BIN2: variants seen among roughly 807,000 people sequenced by gnomAD.
BIN2 encodes the protein bridging integrator 2.
Under a neutral mutation model 67.9 loss-of-function variants are expected in BIN2, and 43 were observed. The ratio of observed to expected loss-of-function variants is 0.63; its 90% CI spans 0.50 to 0.82. BIN2 has a LOEUF of 0.82. Ranked by LOEUF, BIN2 falls within the 40% of genes least tolerant of loss-of-function variation. BIN2 has a pLI of 0.00. For synonymous variants in BIN2, 244 were observed against 246.8 expected (o/e 0.99, Z 0.11); for missense variants, 581 against 671.6 (o/e 0.87, Z 1.49).
Position 51,291,749 on chromosome 12 carries a change from C to T in BIN2, c.1357G>A (p.Gly453Arg), listed in dbSNP as rs752760966. ...GTCCTAGGACTTGCAGTCCCAGTCCCCAAGGAGGCCCTAGGGCTGGTGGGT... is the reference window on the plus strand; with the variant it reads ...GTCCTAGGACTTGCAGTCCCAGTCCTCAAGGAGGCCCTAGGGCTGGTGGGT... The part of the protein sequence containing the change: ...GSPTSPRASL[G>R]TGTASPRTSL... Residue 453 changes from glycine to arginine, a missense_variant, in exon 10 of 13, where the codon GGG becomes AGG. Physicochemically the swap from Gly to Arg is moderately radical, Grantham distance 125. Transcript: ENST00000615107. 9 of 1,613,482 alleles carry T rather than the reference C, an allele frequency of 5.6e-6. No homozygotes were observed. The South Asian group carries it at 6.6e-5, about 12-fold the overall frequency.
At chr12:51,323,684 A>C (rs1000130252) in intron 1 of BIN2, among the ~76,000 whole-genome samples, 5 of 152,248 alleles carry the variant, frequency 3.3e-5, no homozygotes, top group Non-Finnish European at 7.3e-5. Flanking sequence ...CTAGCACAAA[A>C]TTTGATACAA....
intron 1 of BIN2, among the ~76,000 whole-genome samples, chr12:51,317,883 G>A (rs896504321): frequency 2.0e-5 from 3 of 152,096 alleles, no homozygotes; most frequent in African/African-American, 7.2e-5. Flanking sequence ...AGCTACTCAG[G>A]AGGCTGAGGC....
intron 1 of BIN2, among the ~76,000 whole-genome samples, chr12:51,319,102 C>T (rs929855666): frequency 6.6e-6 from 1 of 152,174 alleles, no homozygotes; most frequent in African/African-American, 2.4e-5. Flanking sequence ...CTTTCTGCTA[C>T]CCCTCCCTTC....
At chr12:51,286,850 G>A (rs1341492087) in intron 11 of BIN2, among the ~76,000 whole-genome samples, 1 of 152,008 alleles carries the variant, frequency 6.6e-6, no homozygotes, top group Non-Finnish European at 1.5e-5. Context: ...TTGAGATGGG[G>A]TCTCACTCTG....
At chr12:51,283,987 C>A (rs1945178163) in intron 12 of BIN2, among the ~76,000 whole-genome samples, 1 of 94,460 alleles carries the variant, frequency 1.1e-5, no homozygotes, top group Non-Finnish European at 2.2e-5. Flanking sequence ...GAGTGAAACT[C>A]CGTCTCAAAA....
rs766209007 is a variant in BIN2, at chr12:51,295,879, C to G, written c.679-1G>C. The G allele has an allele frequency of 3.1e-6, 5 of 1,612,146 alleles. No homozygotes were observed. The stretch of plus-strand genomic sequence containing the variant: ...TCACCTCGTAGAGATTGTGGTTCAG[C>G]TAGAGCCAATAAGAAAGAAGGGGAT... On this transcript the variant is annotated splice_acceptor_variant, in intron 8 of 12. Coordinates refer to ENST00000615107, the MANE Select transcript of BIN2 (RefSeq NM_016293.4). LOFTEE classifies it high-confidence loss of function.
At chr12:51,304,975 G>A (rs1434109392) in intron 2 of BIN2, among the ~76,000 whole-genome samples, 2 of 150,256 alleles carry the variant, frequency 1.3e-5, no homozygotes, top group Non-Finnish European at 3.0e-5. Flanking sequence ...CTGAGATCAC[G>A]CCACCGTACT....
At chr12:51,319,699 C>A (rs1449175856) in intron 1 of BIN2, among the ~76,000 whole-genome samples, 1 of 152,062 alleles carries the variant, frequency 6.6e-6, no homozygotes, top group Non-Finnish European at 1.5e-5. Flanking sequence ...GAAAAATATT[C>A]CAGTGTTCAT....
At chr12:51,323,843 C>T (rs973685516) in intron 1 of BIN2, among the ~76,000 whole-genome samples, 179 bp downstream of exon 1, 1 of 152,202 alleles carries the variant, frequency 6.6e-6, no homozygotes, top group Non-Finnish European at 1.5e-5. Flanking sequence ...CTCCAATCTG[C>T]CAGTTTTCAT....
intron 2 of BIN2, among the ~76,000 whole-genome samples, chr12:51,306,231 GAC>G (rs1945863117): frequency 6.6e-6 from 1 of 152,176 alleles, no homozygotes; most frequent in South Asian, 2.1e-4. Context: ...GGGACATGAG[GAC>G]ACAGTCTTAA....
intron 10 of BIN2, among the ~76,000 whole-genome samples, chr12:51,290,135 T>C (rs1721574124): frequency 6.6e-6 from 1 of 151,878 alleles, no homozygotes; most frequent in Non-Finnish European, 1.5e-5. Context: ...TTTTCTTTTC[T>C]TTGAGACACA....
intron 1 of BIN2, among the ~76,000 whole-genome samples, chr12:51,317,406 G>A (rs1044873382): frequency 2.6e-5 from 4 of 152,122 alleles, no homozygotes; most frequent in Non-Finnish European, 4.4e-5. Context: ...AGTGGCTCAC[G>A]CCTATAATCC....
chr12:51,323,490 G>C (rs1946342655), intron 1 of BIN2, among the ~76,000 whole-genome samples: 1 of 150,154 alleles, frequency 6.7e-6, no homozygotes, highest in South Asian at 2.1e-4. Flanking sequence ...TCCTGCTTAC[G>C]TCAGCTGAAA....
intron 1 of BIN2, among the ~76,000 whole-genome samples, chr12:51,320,528 C>G (rs1022730896): frequency 6.6e-6 from 1 of 152,058 alleles, no homozygotes; most frequent in African/African-American, 2.4e-5. Flanking sequence ...CCCATAATTC[C>G]TATTTCAAAT....
rs1016792478 is a variant in BIN2 at position 51,317,771 on chromosome 12, G to A, written c.82-3868C>T. On this transcript the variant is annotated intron_variant, in intron 1 of 12. Coordinates refer to ENST00000615107, the MANE Select transcript of BIN2 (RefSeq NM_016293.4). ...TGGGAGGCAGAGGCGGGTGGATCAC[G>A]AGGTCAGGAGATCGAGACCATCTTG... Among the ~76,000 whole-genome samples the A allele has an allele frequency of 3.9e-5, 6 of 151,988 alleles. No individual in the cohort carries two copies. In the South Asian group the frequency reaches 1.0e-3, roughly 26 times the overall value.
Position 51,302,715 on chromosome 12 carries a change from CG to C in BIN2, c.282del (p.Asp94GlufsTer6), listed in dbSNP as rs1945760791. 1 of 1,613,942 alleles carries C rather than the reference CG, an allele frequency of 6.2e-7. No homozygotes were observed. The highest frequency in any genetic ancestry group is 8.5e-7 in the Non-Finnish European group (1 of 1,179,962). On this transcript the variant is annotated frameshift_variant, in exon 4 of 13. Transcript: ENST00000615107. LOFTEE classifies it high-confidence loss of function. ...ACGATGGCCTTCAGCTCCTCATGAC[CG>C]TCCCACTCGCTGCTGTAGATCTCCT... ...TLQEIYSSEW[D>X]GHEELKAIVW... is the part of the protein sequence containing the mutation.
At chr12:51,302,234 A>G (rs138511136) in intron 4 of BIN2, 119 bp from the exon 5 acceptor site, 2 of 676,066 alleles carry the variant, frequency 3.0e-6, no homozygotes, top group Non-Finnish European at 5.1e-6. Context: ...TTAGAATACC[A>G]TGTTGGATTC....
chr12:51,307,309 A>G (rs1479023839), intron 2 of BIN2, among the ~76,000 whole-genome samples: 1 of 151,550 alleles, frequency 6.6e-6, no homozygotes, highest in Non-Finnish European at 1.5e-5. Context: ...AATTAACAAG[A>G]CTTTTAAATT....
rs1001955031 is a variant in BIN2, at chr12:51,323,953, G to A, written c.81+69C>T. On this transcript the variant is annotated intron_variant, in intron 1 of 12. Transcript: ENST00000615107. ...CCTGAGCACCCTGCCCGCCCCTCCTGCCCGGCCGGGCTCGGCCTCGGCCTC... is the reference window on the plus strand; with the variant it reads ...CCTGAGCACCCTGCCCGCCCCTCCTACCCGGCCGGGCTCGGCCTCGGCCTC... 2.0e-5 allele frequency: 32 copies of A among 1,581,340 alleles called. No individual in the cohort carries two copies. The highest frequency in any genetic ancestry group is 5.3e-5 in the Admixed American group (3 of 56,666).
Sources: allele counts gnomAD v4.1 joint callset (sites outside exome capture counted in the v4.1 genomes callset), GRCh38; gene constraint gnomAD v4.1.1; transcripts MANE v1.5; gene names NCBI Gene and HGNC (gene_info 2026-07-23, HGNC 2026-07-21).